GUCY2C: variants seen among roughly 807,000 people sequenced by gnomAD.
GUCY2C encodes the protein guanylate cyclase 2C.
A neutral mutation model predicts 131.1 loss-of-function variants in GUCY2C; 118 were observed. That is an observed-to-expected ratio of 0.90 (90% CI 0.78 to 1.05). The LOEUF (loss-of-function observed/expected upper bound fraction) is 1.05, where lower values mean the gene tolerates loss of function less well. Among genes scored for constraint, GUCY2C ranks in the 50% least tolerant of loss-of-function variants. The pLI, the probability that GUCY2C is intolerant of heterozygous loss-of-function variation, is 0.00. For missense variants in GUCY2C, 1,161 were observed against 1,304.4 expected (o/e 0.89, Z 1.69); for synonymous variants, 452 against 457.8 (o/e 0.99, Z 0.16).
chr12:14,623,191 C>A (rs551958246), intron 21 of GUCY2C, among the ~76,000 whole-genome samples: 1 of 152,208 alleles, frequency 6.6e-6, no homozygotes, highest in African/African-American at 2.4e-5. Context: ...ATTCAGGAAG[C>A]CTTCAGTCCC....
At chr12:14,626,734 C>G (rs1454946427) in intron 20 of GUCY2C, among the ~76,000 whole-genome samples, 1 of 152,078 alleles carries the variant, frequency 6.6e-6, no homozygotes, top group Non-Finnish European at 1.5e-5. Context: ...AAGACACTCC[C>G]TCTGTATTAT....
chr12:14,688,110 A>G, intron 1 of GUCY2C, 47 bp from the exon 2 acceptor site: 1 of 1,113,828 alleles, frequency 9.0e-7, no homozygotes, highest in Non-Finnish European at 1.4e-6. Context: ...GTTATTTTTC[A>G]GTAATTTATA....
Position 14,643,597 on chromosome 12 carries a change from T to A in GUCY2C, c.1907A>T (p.Asn636Ile). ...MVVKITDFGC[N>I]SILPPKKDLW... Reference sequence around the variant, plus strand: ...ACCCTTTTTTGGAGGTAAAATGGAATTGCAGCCAAAATCAGTGATCTTCAC... The same window carrying A: ...ACCCTTTTTTGGAGGTAAAATGGAAATGCAGCCAAAATCAGTGATCTTCAC... Residue 636 changes from asparagine to isoleucine, a missense_variant, in exon 17 of 27, where the codon AAT (asparagine) becomes ATT (isoleucine). Coordinates refer to ENST00000261170, the MANE Select transcript of GUCY2C (RefSeq NM_004963.4). 1 of 1,613,948 alleles carries A rather than the reference T, an allele frequency of 6.2e-7. No individual in the cohort carries two copies. Among genetic ancestry groups the A allele is most frequent in the Non-Finnish European group, 8.5e-7 (1 of 1,179,852 alleles).
chr12:14,683,801 A>G (rs1948402494), intron 3 of GUCY2C, among the ~76,000 whole-genome samples: 1 of 152,126 alleles, frequency 6.6e-6, no homozygotes, highest in Non-Finnish European at 1.5e-5. Flanking sequence ...CTCAAACTAC[A>G]ATGTTCACAG....
Position 14,628,746 on chromosome 12 carries a change from A to C in GUCY2C, c.2158-9T>G. 1 of 1,448,600 alleles carries C rather than the reference A, an allele frequency of 6.9e-7. No individual in the cohort carries two copies. The highest frequency in any genetic ancestry group is 1.4e-5 in the African/African-American group (1 of 71,052). The allele number at this position is 1,448,600 out of a possible 1,614,324, so 89.7% of individuals were successfully genotyped here. A position where few individuals can be genotyped will look rare whatever the true frequency, so the allele number is the denominator to read the frequency against. On this transcript the variant is annotated splice_polypyrimidine_tract_variant and intron_variant, in intron 19 of 26. Transcript: ENST00000261170. ...TTTACAAGTAGGTACACCTGGAAGAAAAAAAAACGGGCAAATTAGCTAAGG... is the reference window on the plus strand; with the variant it reads ...TTTACAAGTAGGTACACCTGGAAGACAAAAAAACGGGCAAATTAGCTAAGG...
At chr12:14,616,151 A>T (rs760252608) in intron 25 of GUCY2C, among the ~76,000 whole-genome samples, 13 of 152,222 alleles carry the variant, frequency 8.5e-5, no homozygotes, top group Non-Finnish European at 1.9e-4. Context: ...TCTGCATTTT[A>T]ACAAGCTTCC....
intron 10 of GUCY2C, 88 bp downstream of exon 10, chr12:14,669,634 G>T: frequency 1.4e-6 from 1 of 700,300 alleles, no homozygotes; most frequent in Non-Finnish European, 2.5e-6. Context: ...ACAGCAAAAA[G>T]CACAGGCTAA....
intron 4 of GUCY2C, 54 bp downstream of exon 4, chr12:14,682,988 C>T (rs149696238): frequency 3.0e-4 from 370 of 1,245,592 alleles, no homozygotes; most frequent in Non-Finnish European, 4.2e-4. Flanking sequence ...CCTGCATGAT[C>T]CTATGGCTTC....
At chr12:14,660,951 C>T (rs368313188) in intron 11 of GUCY2C, 30 bp downstream of exon 11, 378 of 1,464,998 alleles carry the variant, frequency 2.6e-4, no homozygotes, top group Non-Finnish European at 3.3e-4. Context: ...CTCTGGATAC[C>T]GAACACAGGC....
intron 10 of GUCY2C, among the ~76,000 whole-genome samples, chr12:14,661,896 G>C (rs969825469): frequency 5.9e-5 from 9 of 152,180 alleles, no homozygotes; most frequent in African/African-American, 1.9e-4. Context: ...TAGTGGGTGG[G>C]TGGAGTTGTA....
chr12:14,614,780 A>G, intron 26 of GUCY2C, 87 bp downstream of exon 26: 1 of 745,404 alleles, frequency 1.3e-6, no homozygotes, highest in Non-Finnish European at 2.3e-6. Context: ...TGCCACTTGT[A>G]AGGCATTTGC....
intron 19 of GUCY2C, 104 bp from the exon 20 acceptor site, chr12:14,628,841 T>C (rs563269532): frequency 1.4e-5 from 10 of 724,768 alleles, no homozygotes; most frequent in East Asian, 1.0e-4. Context: ...AGGAATAGTT[T>C]AAAAATATCT....
In GUCY2C at chr12:14,651,420, C is replaced by T. The variant is rs1309236020; in HGVS notation, c.1697G>A (p.Arg566Lys). The change falls in exon 15 of 27, where the codon AGA becomes AAA. Residue 566 changes from arginine to lysine, a missense_variant. Transcript: ENST00000261170. ...MIFGVIEYCERGSLREVLNDT... is the reference protein window; with the variant it reads ...MIFGVIEYCEKGSLREVLNDT... ...ATGGTTTCTTACCCGGAGGGATCCTCTCTCACAGTATTCTATCACCCCGAA... is the reference window on the plus strand; with the variant it reads ...ATGGTTTCTTACCCGGAGGGATCCTTTCTCACAGTATTCTATCACCCCGAA... 1 of 1,553,360 alleles carries T rather than the reference C, an allele frequency of 6.4e-7. No individual in the cohort carries two copies. Among genetic ancestry groups the T allele is most frequent in the Non-Finnish European group, 8.9e-7 (1 of 1,124,732 alleles).
At chr12:14,653,787 G>T (rs898147752) in intron 12 of GUCY2C, among the ~76,000 whole-genome samples, 5 of 152,194 alleles carry the variant, frequency 3.3e-5, no homozygotes, top group Admixed American at 2.0e-4. Flanking sequence ...CGAGTGAAAT[G>T]ACTCTCTGAA....
In GUCY2C at chr12:14,645,213, T is replaced by C; in HGVS notation, c.1797+16A>G. On this transcript the variant is annotated intron_variant, in intron 16 of 26. Coordinates refer to ENST00000261170, the MANE Select transcript of GUCY2C (RefSeq NM_004963.4). ...ATATTTAATTTTCATATTTTCTGTG[T>C]GTGTGTTTCTCTTACCTTAGCAATG... The C allele has an allele frequency of 2.3e-6, 3 of 1,283,248 alleles. No individual in the cohort carries two copies. In the South Asian group the frequency reaches 3.8e-5, roughly 16 times the overall value. 79.5% of individuals were successfully genotyped at this position (1,283,248 alleles called of 1,614,324 possible).
chr12:14,640,462 CAAAAA>C (rs3083859), intron 18 of GUCY2C, among the ~76,000 whole-genome samples: 7 of 114,546 alleles, frequency 6.1e-5, no homozygotes, highest in Admixed American at 8.9e-5. Context: ...GACACTGTCT[CAAAAA>C]AAAAAAAAAA....
intron 25 of GUCY2C, among the ~76,000 whole-genome samples, chr12:14,615,761 A>G (rs571872921): frequency 4.3e-4 from 66 of 152,112 alleles, no homozygotes; most frequent in African/African-American, 1.6e-3. Flanking sequence ...TTTGTAAAAA[A>G]TGTACTTATG....
In GUCY2C at chr12:14,680,995, T is replaced by C. The variant is rs149378744; in HGVS notation, c.733+361A>G. 3.9e-3 allele frequency among the ~76,000 whole-genome samples: 586 copies of C among 152,172 alleles called. 9 individuals carry two copies. The highest frequency in any genetic ancestry group is 0.013 in the African/African-American group (554 of 41,518). The stretch of plus-strand genomic sequence containing the variant: ...CAGGAGGACTGGGGCTCAGAATGTG[T>C]GAAGATTGGTCACAAATCCAATAAT... On this transcript the variant is annotated intron_variant, in intron 5 of 26. Transcript: ENST00000261170.
intron 3 of GUCY2C, 115 bp from the exon 4 acceptor site, chr12:14,683,372 G>T: frequency 3.0e-6 from 2 of 669,026 alleles, no homozygotes; most frequent in South Asian, 1.9e-5. Context: ...AATGAAATCG[G>T]ATCATTAAAG....
Sources: allele counts gnomAD v4.1 joint callset (sites outside exome capture counted in the v4.1 genomes callset), GRCh38; gene constraint gnomAD v4.1.1; transcripts MANE v1.5; gene names NCBI Gene and HGNC (gene_info 2026-07-23, HGNC 2026-07-21).